Variants in ANO4 observed in about 807,000 individuals in gnomAD.
ANO4 encodes anoctamin 4.
ANO4 carries 69 observed loss-of-function variants against 141.9 expected under a neutral mutation model. The ratio of observed to expected loss-of-function variants is 0.49; its 90% CI spans 0.40 to 0.59. The LOEUF is 0.59. ANO4 is among the 20% of genes least tolerant of loss of function. ANO4 has a pLI of 0.00. For missense variants in ANO4, 894 were observed against 1,162.2 expected (o/e 0.77, Z 3.36); for synonymous variants, 350 against 394.3 (o/e 0.89, Z 1.33).
chr12:101,011,372 T>G (rs1180468843), intron 8 of ANO4, among the ~76,000 whole-genome samples: 1 of 150,820 alleles, frequency 6.6e-6, no homozygotes, highest in Non-Finnish European at 1.5e-5. Context: ...CTGAAACTTA[T>G]TCACATTTTT....
intron 3 of ANO4, among the ~76,000 whole-genome samples, chr12:100,923,427 G>A (rs2041726627): frequency 1.3e-5 from 2 of 152,050 alleles, no homozygotes. Context: ...GAGAGTGATG[G>A]TTTCCAGCTT....
Position 100,942,445 on chromosome 12 carries a change from C to G in ANO4, c.366C>G (p.Ile122Met), listed in dbSNP as rs2042559298. 1.2e-6 allele frequency: 2 copies of G among 1,613,996 alleles called. No individual in the cohort carries two copies. Among genetic ancestry groups the G allele is most frequent in the Non-Finnish European group, 1.7e-6 (2 of 1,179,970 alleles). ...ATGGAAAGTGTCGAATTGACTACAT[C>G]CTTGTGTACAGAAAATCCAACCCCC... is the stretch of plus-strand genomic sequence containing the variant. ...FRDGKCRIDY[I>M]LVYRKSNPQT... The change falls in exon 5 of 28, where the codon ATC becomes ATG. Residue 122 changes from isoleucine (I) to methionine (M), a missense_variant. This residue lies in a region of ANO4 where 257 missense variants were observed against 253.0 expected (regional missense o/e 1.02). Transcript: ENST00000392977.
At chr12:100,908,111 G>T (rs974529407) in intron 2 of ANO4, among the ~76,000 whole-genome samples, 11 of 152,202 alleles carry the variant, frequency 7.2e-5, no homozygotes, top group African/African-American at 2.7e-4. Context: ...TGTAATCCCA[G>T]CACTTTGGGA....
chr12:100,814,349 A>G (rs2035607609), intron 1 of ANO4, among the ~76,000 whole-genome samples: 1 of 152,138 alleles, frequency 6.6e-6, no homozygotes, highest in South Asian at 2.1e-4. Flanking sequence ...TTGTCACCCC[A>G]ATACGATTTA....
intron 1 of ANO4, among the ~76,000 whole-genome samples, chr12:100,899,479 G>A (rs2040491455): frequency 6.6e-6 from 1 of 152,184 alleles, no homozygotes; most frequent in Non-Finnish European, 1.5e-5. Context: ...CCATATGTCA[G>A]GACTGTCTGG....
At chr12:100,957,418 C>A (rs373729263) in intron 5 of ANO4, among the ~76,000 whole-genome samples, 1 of 152,220 alleles carries the variant, frequency 6.6e-6, no homozygotes, top group African/African-American at 2.4e-5. Context: ...TCACAAAGCC[C>A]CACCTCTCCA....
intron 1 of ANO4, among the ~76,000 whole-genome samples, chr12:100,853,561 C>G (rs1026982080): frequency 1.3e-4 from 20 of 152,070 alleles, no homozygotes; most frequent in African/African-American, 4.8e-4. Flanking sequence ...GCACCTGTAC[C>G]ACTCTCTCTT....
chr12:101,116,728 G>T lies in ANO4; in HGVS notation c.2500G>T (p.Asp834Tyr), dbSNP rs1211759710. The T allele has an allele frequency of 3.1e-6, 5 of 1,613,970 alleles. No individual in the cohort carries two copies. In the African/African-American group the frequency reaches 6.7e-5, roughly 22 times the overall value. The change falls in exon 25 of 28, where the codon GAC becomes TAC. Residue 834 changes from aspartate (D) to tyrosine (Y), a missense_variant. This residue lies in a region of ANO4 where 637 missense variants were observed against 909.2 expected (regional missense o/e 0.70). Transcript: ENST00000392977. Reference protein sequence around the residue: ...NASLSVFRISDFENRSEPESD... With the variant: ...NASLSVFRISYFENRSEPESD... ...CAGCTTGTCTGTATTTCGAATTTCT[G>T]ACTTTGAGAACCGATCTGAGCCTGA...
chr12:101,121,926 T>C (rs2051113526), intron 26 of ANO4, among the ~76,000 whole-genome samples: 1 of 152,094 alleles, frequency 6.6e-6, no homozygotes, highest in African/African-American at 2.4e-5. Context: ...CACACCTGGC[T>C]AATTTTTGTA....
intron 3 of ANO4, among the ~76,000 whole-genome samples, chr12:100,777,129 G>A (rs2033542539): frequency 7.2e-6 from 1 of 139,756 alleles, no homozygotes. Context: ...GTCTCACTTT[G>A]TCACCCAGGC....
chr12:101,076,090 A>G (rs941092175), intron 14 of ANO4, among the ~76,000 whole-genome samples: 2 of 152,222 alleles, frequency 1.3e-5, no homozygotes, highest in Non-Finnish European at 2.9e-5. Flanking sequence ...GGAAGAAAGG[A>G]GAGGATTATT....
chr12:100,860,606 TA>T (rs1450447234), intron 1 of ANO4, among the ~76,000 whole-genome samples: 1 of 152,198 alleles, frequency 6.6e-6, no homozygotes, highest in East Asian at 1.9e-4. Flanking sequence ...CTGTCCTGTC[TA>T]AGCAGTTTCT....
At chr12:100,871,765 G>A (rs1039072246) in intron 1 of ANO4, among the ~76,000 whole-genome samples, 2 of 152,272 alleles carry the variant, frequency 1.3e-5, no homozygotes, top group Admixed American at 6.5e-5. Flanking sequence ...CAAAGGATGA[G>A]GGAGCTCTCT....
chr12:101,127,155 A>G (rs958328208), intron 27 of ANO4, 81 bp downstream of exon 27: 30 of 1,318,876 alleles, frequency 2.3e-5, no homozygotes, highest in Non-Finnish European at 3.0e-5. Context: ...AAAGCTTACC[A>G]TTGTTGCAGT....
At chr12:100,943,465 A>G (rs2042595258) in intron 5 of ANO4, among the ~76,000 whole-genome samples, 1 of 152,222 alleles carries the variant, frequency 6.6e-6, no homozygotes, top group South Asian at 2.1e-4. Flanking sequence ...GAAGCATAAT[A>G]TGCATATACT....
At chr12:101,010,648 A>T (rs952325914) in intron 8 of ANO4, among the ~76,000 whole-genome samples, 4 of 152,206 alleles carry the variant, frequency 2.6e-5, no homozygotes. Flanking sequence ...TAATTTGAGG[A>T]CATAATATAA....
At chr12:100,729,724 C>T (rs957314937) in intron 1 of ANO4, among the ~76,000 whole-genome samples, 1 of 152,146 alleles carries the variant, frequency 6.6e-6, no homozygotes, top group African/African-American at 2.4e-5. Context: ...TAAAATCTAG[C>T]CTTTTTGTTT....
chr12:100,827,754 T>C (rs1176596098), intron 1 of ANO4, among the ~76,000 whole-genome samples: 3 of 152,044 alleles, frequency 2.0e-5, no homozygotes, highest in Non-Finnish European at 2.9e-5. Flanking sequence ...GATTCTGTAT[T>C]TGGAGGTGCT....
At chr12:100,745,135 A>G (rs1198891853) in intron 3 of ANO4, among the ~76,000 whole-genome samples, 3 of 152,182 alleles carry the variant, frequency 2.0e-5, no homozygotes, top group African/African-American at 7.2e-5. Context: ...CTGACTCTCC[A>G]GCATGTCTCA....
Sources: gnomAD v4.1 joint callset for allele counts (sites outside exome capture counted in the v4.1 genomes callset) on GRCh38, gnomAD v4.1.1 for gene constraint, gnomAD v4.1.1 regional missense constraint, MANE v1.5 for transcripts, NCBI Gene and HGNC (gene_info 2026-07-23, HGNC 2026-07-21) for gene names.